C6: variants seen among roughly 807,000 people sequenced by gnomAD.
C6 encodes complement component C6.
C6 carries 101 observed loss-of-function variants against 112.9 expected under a neutral mutation model. The ratio of observed to expected loss-of-function variants is 0.89; its 90% CI spans 0.76 to 1.06. The LOEUF (loss-of-function observed/expected upper bound fraction) is 1.06. Among genes scored for constraint, C6 ranks in the 50% least tolerant of loss-of-function variants. The pLI is 0.00. For missense variants in C6, 1,202 were observed against 1,104.6 expected, an observed-to-expected ratio of 1.09 and a Z score of -1.25; for synonymous variants, 431 against 384.1, an observed-to-expected ratio of 1.12 and a Z score of -1.43.
chr5:41,191,431 G>T (rs1750206137), intron 5 of C6, among the ~76,000 whole-genome samples: 1 of 152,082 alleles, frequency 6.6e-6, no homozygotes, highest in South Asian at 2.1e-4. Flanking sequence ...TTAGAGCTTT[G>T]TTTCTATTGC....
At chr5:41,204,659 C>CTTTTTTT (rs56809256) in intron 1 of C6, among the ~76,000 whole-genome samples, 4 of 133,326 alleles carry the variant, frequency 3.0e-5, no homozygotes, top group Admixed American at 8.1e-5. Flanking sequence ...AATCAGTAAG[C>CTTTTTTT]TTTTTTTTTT....
chr5:41,259,517 CAAAAAA>C (rs56168478), intron 1 of C6, among the ~76,000 whole-genome samples: 2 of 143,132 alleles, frequency 1.4e-5, no homozygotes, highest in Admixed American at 1.4e-4. Flanking sequence ...CTGAAATTAC[CAAAAAA>C]AAAAAAAAAA....
rs541447638 is a variant in C6 at position 41,186,332 on chromosome 5, T to G, written c.588-124A>C. The stretch of plus-strand genomic sequence containing the variant: ...CCTCAAGACAAATGACTTGAAGGAA[T>G]CCCCCACACCTCCGCTTTTTTTTCC... On this transcript the variant is annotated intron_variant, in intron 5 of 17. Coordinates refer to ENST00000337836, the MANE Select transcript of C6 (RefSeq NM_000065.5). The G allele has an allele frequency of 1.1e-4, 114 of 1,051,516 alleles. 3 individuals carry two copies. In the Admixed American group the frequency reaches 1.8e-3, roughly 16 times the overall value. 65.1% of individuals were successfully genotyped at this position (1,051,516 alleles called of 1,614,324 possible).
intron 1 of C6, among the ~76,000 whole-genome samples, chr5:41,245,914 C>T (rs1740992741): frequency 1.3e-5 from 2 of 151,944 alleles, no homozygotes; most frequent in South Asian, 4.1e-4. Context: ...AAAAGTAATG[C>T]CATTTTAGTT....
chr5:41,246,229 T>C (rs981478567), intron 1 of C6, among the ~76,000 whole-genome samples: 2 of 152,314 alleles, frequency 1.3e-5, no homozygotes, highest in Admixed American at 1.3e-4. Flanking sequence ...TTGGATTCCA[T>C]GCCTCTTGGC....
At chr5:41,195,754 A>G (rs749958976) in intron 5 of C6, 38 bp downstream of exon 5, 4 of 1,605,718 alleles carry the variant, frequency 2.5e-6, no homozygotes, top group South Asian at 1.1e-5. Context: ...TTGTTCTGAT[A>G]CCTGTTCTCC....
At chr5:41,212,301 C>T (rs1751994788) in intron 1 of C6, among the ~76,000 whole-genome samples, 1 of 152,062 alleles carries the variant, frequency 6.6e-6, no homozygotes, top group Non-Finnish European at 1.5e-5. Context: ...GCTGGGATTA[C>T]AGGCCCCTGC....
chr5:41,158,043 G>T (rs552493135), intron 13 of C6, among the ~76,000 whole-genome samples: 8 of 152,106 alleles, frequency 5.3e-5, no homozygotes, highest in Non-Finnish European at 1.2e-4. Flanking sequence ...ATATTACTAA[G>T]TTTAAGAAAG....
At chr5:41,204,986 G>A (rs562801642) in intron 1 of C6, among the ~76,000 whole-genome samples, 1 of 152,082 alleles carries the variant, frequency 6.6e-6, no homozygotes, top group Non-Finnish European at 1.5e-5. Flanking sequence ...AAAGAAAAAT[G>A]CCAGAATAAA....
intron 1 of C6, among the ~76,000 whole-genome samples, chr5:41,219,133 A>G (rs1217871714): frequency 6.6e-6 from 1 of 152,060 alleles, no homozygotes; most frequent in Non-Finnish European, 1.5e-5. Flanking sequence ...GGCTGATGCC[A>G]GCCCTGAGCC....
At position 41,201,628 on chromosome 5, in the gene C6, C is replaced by G. The variant is rs762327241; in HGVS notation, c.230G>C (p.Arg77Thr). 8 of 1,613,578 alleles carry G rather than the reference C, an allele frequency of 5.0e-6. No individual in the cohort carries two copies. The East Asian group carries it at 1.8e-4, about 36-fold the overall frequency. Reference sequence around the variant, plus strand: ...TCCCAGGAGGCAGTTGATGGGGCATCTTTGCCAGTTACATTCTCTAGTCTC... The same window carrying G: ...TCCCAGGAGGCAGTTGATGGGGCATGTTTGCCAGTTACATTCTCTAGTCTC... ...KQETRECNWQRCPINCLLGDF... is the reference protein window; with the variant it reads ...KQETRECNWQTCPINCLLGDF... Residue 77 changes from arginine (R) to threonine (T), a missense_variant, in exon 3 of 18, where the codon AGA becomes ACA. By Grantham distance (71) the Arg-to-Thr change is moderately conservative. Transcript: ENST00000337836.
intron 1 of C6, among the ~76,000 whole-genome samples, chr5:41,246,205 G>A (rs1741010339): frequency 2.0e-5 from 3 of 152,088 alleles, no homozygotes; most frequent in African/African-American, 7.2e-5. Flanking sequence ...TAGTATCTTG[G>A]TGCTACGTTT....
chr5:41,217,745 C>G (rs1045518141), upstream of C6, among the ~76,000 whole-genome samples: 1 of 151,882 alleles, frequency 6.6e-6, no homozygotes, highest in South Asian at 2.1e-4. Flanking sequence ...AAACTTCTGC[C>G]AAGTTTTGCC....
chr5:41,203,333 T>C (rs1029067784), intron 1 of C6, 83 bp from the exon 2 acceptor site: 1 of 1,433,002 alleles, frequency 7.0e-7, no homozygotes, highest in African/African-American at 1.4e-5. Flanking sequence ...GAGATTCAAA[T>C]GTGATTTTAG....
intron 15 of C6, chr5:41,152,642 A>G (rs1746516430): frequency 6.6e-6 from 1 of 152,046 alleles, no homozygotes; most frequent in African/African-American, 2.4e-5. Flanking sequence ...TATTACCACC[A>G]TTTTATCTGG....
intron 5 of C6, among the ~76,000 whole-genome samples, chr5:41,190,906 G>T (rs1418381187): frequency 6.6e-6 from 1 of 151,966 alleles, no homozygotes; most frequent in Non-Finnish European, 1.5e-5. Context: ...AAAATCAGTT[G>T]GTTGTAAATA....
chr5:41,248,043 A>T (rs1279551352), intron 1 of C6, among the ~76,000 whole-genome samples: 2 of 152,166 alleles, frequency 1.3e-5, no homozygotes, highest in Non-Finnish European at 2.9e-5. Flanking sequence ...TTTAATCTTC[A>T]ACAATGTTGA....
chr5:41,198,169 G>A (rs1326879052), intron 4 of C6, among the ~76,000 whole-genome samples: 1 of 152,116 alleles, frequency 6.6e-6, no homozygotes, highest in East Asian at 1.9e-4. Flanking sequence ...TAGTCTTGGG[G>A]ACTCTTGGGA....
intron 1 of C6, among the ~76,000 whole-genome samples, chr5:41,229,546 T>C (rs775718032): frequency 3.1e-4 from 47 of 152,170 alleles, no homozygotes; most frequent in Non-Finnish European, 6.5e-4. Flanking sequence ...GATGGTGCAA[T>C]TTGATTTCAG....
Sources: allele counts gnomAD v4.1 joint callset (sites outside exome capture counted in the v4.1 genomes callset), GRCh38; gene constraint gnomAD v4.1.1; transcripts MANE v1.5; gene names NCBI Gene and HGNC (gene_info 2026-07-23, HGNC 2026-07-21).